Variants in ZFHX3 observed in about 807,000 individuals in gnomAD.
ZFHX3 encodes zinc finger homeobox 3.
A neutral mutation model predicts 279.1 loss-of-function variants in ZFHX3; 42 were observed. The observed-to-expected ratio is 0.15, with a 90% CI of 0.12 to 0.19. ZFHX3 has a LOEUF of 0.19. Among genes scored for constraint, ZFHX3 ranks in the 10% least tolerant of loss-of-function variants. ZFHX3 has a pLI of 1.00. For missense variants in ZFHX3, 4,981 were observed against 4,754.0 expected, an observed-to-expected ratio of 1.05 and a Z score of -1.40; for synonymous variants, 2,293 against 1,957.8, an observed-to-expected ratio of 1.17 and a Z score of -4.52.
chr16:73,039,952 T>C (rs970954721), intron 1 of ZFHX3, among the ~76,000 whole-genome samples: 9 of 152,078 alleles, frequency 5.9e-5, no homozygotes, highest in Admixed American at 5.2e-4. Flanking sequence ...TGTGAGGAAA[T>C]GAAAATACTA....
At chr16:72,824,492 G>C (rs1480228585) in intron 5 of ZFHX3, among the ~76,000 whole-genome samples, 1 of 152,156 alleles carries the variant, frequency 6.6e-6, no homozygotes, top group Non-Finnish European at 1.5e-5. Flanking sequence ...ATGAACGTCA[G>C]GGATTTTTGA....
At chr16:73,820,889 T>C (rs976218500) in intron 1 of ZFHX3, among the ~76,000 whole-genome samples, 6 of 151,822 alleles carry the variant, frequency 4.0e-5, no homozygotes, top group African/African-American at 1.5e-4. Flanking sequence ...CTGAGATTGA[T>C]CAAAGGGAAT....
At chr16:73,117,601 G>T (rs1379210445) in intron 7 of ZFHX3, among the ~76,000 whole-genome samples, 1 of 152,232 alleles carries the variant, frequency 6.6e-6, no homozygotes, top group Non-Finnish European at 1.5e-5. Flanking sequence ...GCAAGAAAGG[G>T]TGACAATAGT....
At chr16:72,845,053 C>T (rs2037443099) in intron 4 of ZFHX3, among the ~76,000 whole-genome samples, 2 of 152,162 alleles carry the variant, frequency 1.3e-5, no homozygotes, top group African/African-American at 4.8e-5. Flanking sequence ...ACGAGGGAGG[C>T]CCCGGCAGGT....
In ZFHX3 at chr16:72,968,859, A is replaced by G. The variant is rs575449826; in HGVS notation, c.-49-8665T>C. Among the ~76,000 whole-genome samples, 172 of 152,302 alleles carry G rather than the reference A, an allele frequency of 1.1e-3. 2 individuals carry two copies. The highest frequency in any genetic ancestry group is 3.8e-3 in the African/African-American group (157 of 41,562). ...GTATATTTAGAGGTGAAGGGGCACA[A>G]TGCCTCGATTTTCAAATGGGTTAGG... On this transcript the variant is annotated intron_variant, in intron 1 of 9. Transcript: ENST00000268489.
chr16:72,881,476 A>G lies in ZFHX3; in HGVS notation c.3448+8255T>C, dbSNP rs187901636. 1.6e-3 allele frequency among the ~76,000 whole-genome samples: 241 copies of G among 152,320 alleles called. 1 individual carries two copies. In the East Asian group the frequency reaches 0.031, roughly 20 times the overall value. ...CTGTGACTCTGAGAAAAAGCCTTTG[A>G]GCTATTTCTGTACGCAGAGAGATAG... On this transcript the variant is annotated intron_variant, in intron 4 of 9. Transcript: ENST00000268489.
chr16:72,859,200 G>A (rs1055094719), intron 4 of ZFHX3, among the ~76,000 whole-genome samples: 8 of 152,122 alleles, frequency 5.3e-5, no homozygotes, highest in African/African-American at 1.9e-4. Flanking sequence ...CATTTCTACC[G>A]AAAAGATGAC....
chr16:72,972,546 A>G lies in ZFHX3; in HGVS notation c.-49-12352T>C, dbSNP rs1962152463. On this transcript the variant is annotated intron_variant, in intron 1 of 9. Coordinates refer to ENST00000268489, the MANE Select transcript of ZFHX3 (RefSeq NM_006885.4). Reference sequence around the variant, plus strand: ...GCAGTGGAACCAACTATGCGGCACAATAAAAATACATATGGATGTCAAGCC... The same window carrying G: ...GCAGTGGAACCAACTATGCGGCACAGTAAAAATACATATGGATGTCAAGCC... Among the ~76,000 whole-genome samples the G allele has an allele frequency of 2.0e-5, 3 of 152,322 alleles. No homozygotes were observed. In the South Asian group the frequency reaches 6.2e-4, roughly 32 times the overall value.
intron 1 of ZFHX3, among the ~76,000 whole-genome samples, chr16:73,041,583 G>T (rs1030113570): frequency 9.2e-5 from 14 of 151,996 alleles, no homozygotes; most frequent in African/African-American, 3.4e-4. Flanking sequence ...TCTCAATTAC[G>T]TTATCAAATA....
intron 2 of ZFHX3, among the ~76,000 whole-genome samples, chr16:73,585,214 G>A (rs958259868): frequency 5.9e-5 from 9 of 152,136 alleles, no homozygotes; most frequent in South Asian, 2.1e-4. Context: ...TCAAGAGATC[G>A]AGACTATCCT....
chr16:73,009,471 A>G, intron 1 of ZFHX3, among the ~76,000 whole-genome samples: 1 of 152,124 alleles, frequency 6.6e-6, no homozygotes, highest in East Asian at 1.9e-4. Context: ...TGCTTCATCT[A>G]TTTAAAAAAA....
At chr16:73,291,646 G>A (rs527809470) in intron 4 of ZFHX3, among the ~76,000 whole-genome samples, 1 of 152,204 alleles carries the variant, frequency 6.6e-6, no homozygotes, top group Non-Finnish European at 1.5e-5. Context: ...ACCAGAAGAG[G>A]TCTTAGCACC....
intron 2 of ZFHX3, among the ~76,000 whole-genome samples, chr16:73,463,117 C>A (rs957478955): frequency 1.3e-5 from 2 of 152,154 alleles, no homozygotes; most frequent in Non-Finnish European, 2.9e-5. Context: ...ATTTCTTAGT[C>A]CATAATACTC....
At chr16:73,541,524 C>G (rs2143750157) in intron 2 of ZFHX3, among the ~76,000 whole-genome samples, 1 of 152,042 alleles carries the variant, frequency 6.6e-6, no homozygotes, top group Admixed American at 6.6e-5. Flanking sequence ...ACAGAAAAAG[C>G]CATACTATCA....
intron 4 of ZFHX3, among the ~76,000 whole-genome samples, chr16:72,850,814 C>A (rs2143836043): frequency 6.6e-6 from 1 of 151,832 alleles, no homozygotes; most frequent in East Asian, 1.9e-4. Context: ...AATAATAAAT[C>A]AAAAAAGGAA....
intron 2 of ZFHX3, among the ~76,000 whole-genome samples, chr16:73,513,153 C>T (rs190324778): frequency 6.6e-6 from 1 of 152,246 alleles, no homozygotes. Flanking sequence ...AAAGCATGTT[C>T]TGATGGGTGA....
At chr16:73,002,978 T>C (rs1029964780) in intron 1 of ZFHX3, among the ~76,000 whole-genome samples, 1 of 152,228 alleles carries the variant, frequency 6.6e-6, no homozygotes, top group Non-Finnish European at 1.5e-5. Context: ...CTTTAGCTTC[T>C]CTTCTATGCA....
At chr16:73,370,841 T>C (rs2016615955) in intron 3 of ZFHX3, among the ~76,000 whole-genome samples, 1 of 152,192 alleles carries the variant, frequency 6.6e-6, no homozygotes, top group Non-Finnish European at 1.5e-5. Flanking sequence ...TCCTTCACTT[T>C]CTCTTTTTCC....
chr16:72,912,195 G>C (rs1031385931), intron 3 of ZFHX3, among the ~76,000 whole-genome samples: 1 of 152,200 alleles, frequency 6.6e-6, no homozygotes, highest in African/African-American at 2.4e-5. Flanking sequence ...CAGGCTCCGC[G>C]CGGGGAGGTG....
Sources: gnomAD v4.1 joint callset for allele counts (sites outside exome capture counted in the v4.1 genomes callset) on GRCh38, gnomAD v4.1.1 for gene constraint, MANE v1.5 for transcripts, NCBI Gene and HGNC (gene_info 2026-07-23, HGNC 2026-07-21) for gene names.